The following KIAA1328 variants were observed in gnomAD, a reference collection of about 807,000 sequenced individuals.
The protein encoded by KIAA1328 is KIAA1328.
A neutral mutation model predicts 68.1 loss-of-function variants in KIAA1328; 52 were observed. That is an observed-to-expected ratio of 0.76 (90% confidence interval 0.61 to 0.96). The LOEUF is 0.96. Among genes scored for constraint, KIAA1328 ranks in the 40% least tolerant of loss-of-function variants. The pLI, the probability that KIAA1328 is intolerant of heterozygous loss-of-function variation, is 0.00. For synonymous variants in KIAA1328, 232 were observed against 239.4 expected (o/e 0.97, Z 0.28); for missense variants, 641 against 677.6 (o/e 0.95, Z 0.60).
intron 4 of KIAA1328, among the ~76,000 whole-genome samples, chr18:36,871,650 G>C (rs1348105561): frequency 6.6e-6 from 1 of 152,068 alleles, no homozygotes; most frequent in Non-Finnish European, 1.5e-5. Flanking sequence ...CTAAGTGACA[G>C]TAAAGAACAT....
At chr18:37,120,235 T>G (rs986879446) in intron 7 of KIAA1328, among the ~76,000 whole-genome samples, 2 of 152,216 alleles carry the variant, frequency 1.3e-5, no homozygotes, top group Non-Finnish European at 1.5e-5. Flanking sequence ...GATCTAATGG[T>G]AGCTACAATA....
chr18:37,130,179 A>G (rs2058488900), intron 7 of KIAA1328, among the ~76,000 whole-genome samples: 1 of 152,200 alleles, frequency 6.6e-6, no homozygotes, highest in Non-Finnish European at 1.5e-5. Context: ...GCATAACCAC[A>G]GGAAGAACTC....
chr18:37,133,073 G>T (rs1041582006), intron 7 of KIAA1328, among the ~76,000 whole-genome samples: 1 of 152,112 alleles, frequency 6.6e-6, no homozygotes, highest in Non-Finnish European at 1.5e-5. Flanking sequence ...GATGACTCAC[G>T]TCTGTAATCC....
intron 7 of KIAA1328, among the ~76,000 whole-genome samples, chr18:37,152,117 A>AC (rs1556904246): frequency 6.7e-6 from 1 of 149,150 alleles, no homozygotes; most frequent in African/African-American, 2.5e-5. Context: ...AAAAAAAAAA[A>AC]CAGATTAGCA....
chr18:36,966,436 G>T (rs2051940994), intron 6 of KIAA1328, among the ~76,000 whole-genome samples: 1 of 152,174 alleles, frequency 6.6e-6, no homozygotes, highest in Non-Finnish European at 1.5e-5. Context: ...TCGTGTGTGT[G>T]TGTACATTTG....
chr18:37,178,735 C>T (rs954614049), intron 9 of KIAA1328, among the ~76,000 whole-genome samples: 2 of 152,082 alleles, frequency 1.3e-5, no homozygotes, highest in African/African-American at 4.8e-5. Context: ...CCAATCATTG[C>T]CAACACTTGT....
intron 4 of KIAA1328, among the ~76,000 whole-genome samples, chr18:36,878,214 G>T (rs1018972351): frequency 5.3e-5 from 8 of 152,130 alleles, no homozygotes; most frequent in Non-Finnish European, 1.0e-4. Flanking sequence ...TGTAAGGCAG[G>T]CCTGGTGGTG....
intron 9 of KIAA1328, among the ~76,000 whole-genome samples, chr18:37,212,363 A>G (rs937180829): frequency 7.2e-5 from 11 of 152,222 alleles, no homozygotes; most frequent in African/African-American, 2.7e-4. Flanking sequence ...ACCATAGAAA[A>G]TGTCATGACA....
intron 6 of KIAA1328, among the ~76,000 whole-genome samples, chr18:37,021,434 G>T (rs2151530353): frequency 6.6e-6 from 1 of 152,188 alleles, no homozygotes; most frequent in South Asian, 2.1e-4. Context: ...CAATCAATAT[G>T]TTCTTATAAT....
intron 7 of KIAA1328, among the ~76,000 whole-genome samples, chr18:37,136,510 A>G (rs1177338053): frequency 1.3e-5 from 2 of 152,234 alleles, no homozygotes; most frequent in Non-Finnish European, 2.9e-5. Context: ...AGAAAGAGCT[A>G]ACAACTAACT....
At chr18:36,934,161 G>T (rs1041538694) in intron 5 of KIAA1328, among the ~76,000 whole-genome samples, 2 of 152,072 alleles carry the variant, frequency 1.3e-5, no homozygotes, top group African/African-American at 4.8e-5. Context: ...GCCATTTAGG[G>T]CTGGGAACTA....
chr18:37,135,373 A>G (rs554365174), intron 7 of KIAA1328, among the ~76,000 whole-genome samples: 1 of 152,114 alleles, frequency 6.6e-6, no homozygotes, highest in Non-Finnish European at 1.5e-5. Context: ...TTGTGTTTTG[A>G]CTTTTAAAAT....
chr18:36,948,025 T>A (rs1472062042), intron 5 of KIAA1328, among the ~76,000 whole-genome samples: 1 of 152,098 alleles, frequency 6.6e-6, no homozygotes, highest in Non-Finnish European at 1.5e-5. Flanking sequence ...CCCCTTCCCA[T>A]CATGGCCTGA....
chr18:37,153,447 C>T (rs987476072), intron 7 of KIAA1328, among the ~76,000 whole-genome samples: 3 of 151,870 alleles, frequency 2.0e-5, no homozygotes, highest in African/African-American at 4.8e-5. Flanking sequence ...AGAGAAGAAG[C>T]TAAAATGAAC....
intron 5 of KIAA1328, among the ~76,000 whole-genome samples, chr18:36,949,482 GAAAT>G (rs968863531): frequency 6.4e-4 from 97 of 151,834 alleles, no homozygotes; most frequent in African/African-American, 2.3e-3. Context: ...TAAAGTTGGA[GAAAT>G]AAACCTTGGG....
chr18:36,894,001 T>G (rs1568133192), intron 5 of KIAA1328, among the ~76,000 whole-genome samples: 1 of 152,210 alleles, frequency 6.6e-6, no homozygotes, highest in African/African-American at 2.4e-5. Flanking sequence ...CACTTTCACT[T>G]ACGCATTTTT....
chr18:36,907,321 A>G (rs2049259988), intron 5 of KIAA1328, among the ~76,000 whole-genome samples: 1 of 151,994 alleles, frequency 6.6e-6, no homozygotes. Flanking sequence ...TTTCCAGTAC[A>G]ATGTTGAGTA....
chr18:36,903,552 A>G (rs1012617662), intron 5 of KIAA1328: 20 of 152,072 alleles, frequency 1.3e-4, no homozygotes, highest in African/African-American at 4.8e-4. Context: ...TTAGTGCTTC[A>G]AACACCTGTG....
At chr18:37,115,093 G>T (rs187529592) in intron 7 of KIAA1328, among the ~76,000 whole-genome samples, 7 of 152,246 alleles carry the variant, frequency 4.6e-5, no homozygotes, top group Admixed American at 4.6e-4. Flanking sequence ...GTACAAAGTG[G>T]AGCTGGTACC....
Sources: allele counts gnomAD v4.1 joint callset (sites outside exome capture counted in the v4.1 genomes callset), GRCh38; gene constraint gnomAD v4.1.1; transcripts MANE v1.5; gene names NCBI Gene and HGNC (gene_info 2026-07-23, HGNC 2026-07-21).